The following TMEM163 variants were observed in gnomAD, a reference collection of about 807,000 sequenced individuals.
TMEM163 encodes transmembrane protein 163.
In TMEM163, 17 loss-of-function variants were observed where a neutral mutation model predicts 29.3. That is an observed-to-expected ratio of 0.58 (90% CI 0.40 to 0.87). The LOEUF is 0.87. Among genes scored for constraint, TMEM163 ranks in the 40% least tolerant of loss-of-function variants. TMEM163 has a pLI of 0.00. For missense variants in TMEM163, 303 were observed against 381.5 expected (o/e 0.79, Z 1.71); for synonymous variants, 157 against 160.6 (o/e 0.98, Z 0.17).
Position 134,718,873 on chromosome 2 carries a change from G to A in TMEM163, c.63C>T (p.Pro21=), listed in dbSNP as rs1573561562. ...CGGCAGCCGGTGGCGCGTGGCCCCG[G>A]GGCGGCGGCGGGACGGTGGGCCCCT... The part of the protein sequence containing the change: ...SSQGPTVPPP[P]RGHAPPAAAP... Residue 21 remains proline (P), a synonymous_variant, in exon 1 of 8, where the codon CCC becomes CCT. Coordinates refer to ENST00000281924, the MANE Select transcript of TMEM163 (RefSeq NM_030923.5). The A allele has an allele frequency of 2.2e-5, 24 of 1,102,564 alleles. No individual in the cohort carries two copies. The highest frequency in any genetic ancestry group is 3.9e-4 in the Middle Eastern group (1 of 2,558). 68.3% of individuals were successfully genotyped at this position (1,102,564 alleles called of 1,614,324 possible).
intron 2 of TMEM163, among the ~76,000 whole-genome samples, chr2:134,631,504 A>G (rs942720906): frequency 6.6e-6 from 1 of 152,100 alleles, no homozygotes; most frequent in Non-Finnish European, 1.5e-5. Context: ...CCTGGGGGGT[A>G]CTGCTGCTCT....
chr2:134,662,608 C>T (rs532956073), intron 2 of TMEM163, among the ~76,000 whole-genome samples: 2 of 152,094 alleles, frequency 1.3e-5, no homozygotes, highest in Non-Finnish European at 2.9e-5. Flanking sequence ...GGGAGATGAG[C>T]AATTCTTATT....
intron 4 of TMEM163, among the ~76,000 whole-genome samples, chr2:134,532,142 G>A (rs1680430062): frequency 6.6e-6 from 1 of 152,216 alleles, no homozygotes; most frequent in African/African-American, 2.4e-5. Context: ...CCATAATCTT[G>A]TATCCTTGAC....
At chr2:134,506,983 A>G (rs1020774101) in intron 4 of TMEM163, among the ~76,000 whole-genome samples, 2 of 152,128 alleles carry the variant, frequency 1.3e-5, no homozygotes, top group Non-Finnish European at 2.9e-5. Flanking sequence ...TGGATCAGAA[A>G]GAGGCAAGGG....
chr2:134,570,483 TATAC>T (rs1574246178), intron 2 of TMEM163, among the ~76,000 whole-genome samples: 1 of 90,598 alleles, frequency 1.1e-5, no homozygotes, highest in East Asian at 2.2e-4. Flanking sequence ...TACATATACA[TATAC>T]ATATACATAT....
At chr2:134,618,669 T>C (rs1682664143) in intron 2 of TMEM163, among the ~76,000 whole-genome samples, 1 of 152,122 alleles carries the variant, frequency 6.6e-6, no homozygotes, top group Non-Finnish European at 1.5e-5. Flanking sequence ...ATTCAAAGTC[T>C]CTTCTAACTA....
At position 134,593,717 on chromosome 2, in the gene TMEM163, G is replaced by A. The variant is rs78614204; in HGVS notation, c.323-41626C>T. 2.7e-3 allele frequency among the ~76,000 whole-genome samples: 405 copies of A among 152,160 alleles called. 2 individuals are homozygous for A. The highest frequency in any genetic ancestry group is 9.2e-3 in the African/African-American group (380 of 41,514). On this transcript the variant is annotated intron_variant, in intron 2 of 7. Transcript: ENST00000281924. Reference sequence around the variant, plus strand: ...TTCCTGATCAGTCTGCACCCAGGCAGTTCAGAACACGTGCTACTGCAGGGT... The same window carrying A: ...TTCCTGATCAGTCTGCACCCAGGCAATTCAGAACACGTGCTACTGCAGGGT...
At chr2:134,557,459 G>A (rs58374971) in intron 2 of TMEM163, among the ~76,000 whole-genome samples, 5,277 of 152,248 alleles carry the variant, frequency 0.035, 321 homozygotes, top group African/African-American at 0.12. Context: ...GCCCAAAGTG[G>A]TCCAGGCACA....
intron 2 of TMEM163, among the ~76,000 whole-genome samples, chr2:134,611,020 C>A (rs891836220): frequency 5.3e-5 from 8 of 152,006 alleles, no homozygotes; most frequent in African/African-American, 1.9e-4. Flanking sequence ...GCACAGCTGA[C>A]AAATTAGATA....
intron 2 of TMEM163, among the ~76,000 whole-genome samples, chr2:134,572,793 G>C (rs1289771295): frequency 1.3e-5 from 2 of 152,158 alleles, no homozygotes; most frequent in Non-Finnish European, 2.9e-5. Context: ...TCCACTTCAT[G>C]ACCTCTGCAA....
intron 5 of TMEM163, among the ~76,000 whole-genome samples, chr2:134,472,734 A>G (rs1478644587): frequency 1.3e-5 from 2 of 152,264 alleles, no homozygotes; most frequent in African/African-American, 4.8e-5. Flanking sequence ...CAACAACATG[A>G]TCAACCAGCT....
intron 4 of TMEM163, among the ~76,000 whole-genome samples, chr2:134,545,454 CCT>C (rs1680759526): frequency 6.6e-6 from 1 of 152,162 alleles, no homozygotes; most frequent in Non-Finnish European, 1.5e-5. Flanking sequence ...ATTCTCCAAG[CCT>C]CTTTCTTCCT....
chr2:134,493,886 T>C (rs972061404), intron 5 of TMEM163, among the ~76,000 whole-genome samples: 2 of 152,160 alleles, frequency 1.3e-5, no homozygotes, highest in African/African-American at 4.8e-5. Flanking sequence ...CTTTCCCCCA[T>C]TGAATTACCT....
chr2:134,716,767 T>A (rs1208965905), intron 1 of TMEM163, among the ~76,000 whole-genome samples: 1 of 152,158 alleles, frequency 6.6e-6, no homozygotes, highest in East Asian at 1.9e-4. Flanking sequence ...ACACAAAATC[T>A]TACAGTAAAC....
At chr2:134,458,225 A>G in intron 6 of TMEM163, 52 bp from the exon 7 acceptor site, 1 of 1,604,790 alleles carries the variant, frequency 6.2e-7, no homozygotes, top group Non-Finnish European at 8.5e-7. Flanking sequence ...AATCCAAGAA[A>G]ATCACCCAAA....
chr2:134,617,557 G>A (rs57240689), intron 2 of TMEM163, among the ~76,000 whole-genome samples: 25 of 150,788 alleles, frequency 1.7e-4, no homozygotes, highest in South Asian at 6.3e-4. Flanking sequence ...AGCCAAGATC[G>A]TGCCACTGCA....
At chr2:134,569,338 T>A (rs1001097209) in intron 2 of TMEM163, among the ~76,000 whole-genome samples, 6 of 152,058 alleles carry the variant, frequency 3.9e-5, no homozygotes, top group African/African-American at 9.7e-5. Flanking sequence ...CCCTGTAGGT[T>A]TAAGCCCTAA....
intron 2 of TMEM163, among the ~76,000 whole-genome samples, chr2:134,683,890 A>G (rs1263739754): frequency 6.6e-6 from 1 of 152,230 alleles, no homozygotes; most frequent in African/African-American, 2.4e-5. Flanking sequence ...CACTTTTAGC[A>G]CTGGTGACTA....
intron 5 of TMEM163, among the ~76,000 whole-genome samples, chr2:134,491,676 C>T (rs1679432356): frequency 6.6e-6 from 1 of 152,150 alleles, no homozygotes; most frequent in Non-Finnish European, 1.5e-5. Flanking sequence ...TATTAAATGG[C>T]AATGTGTCTA....
Sources: allele counts gnomAD v4.1 joint callset (sites outside exome capture counted in the v4.1 genomes callset), GRCh38; gene constraint gnomAD v4.1.1; transcripts MANE v1.5; gene names NCBI Gene and HGNC (gene_info 2026-07-23, HGNC 2026-07-21).